The following SPRY3 variants were observed in gnomAD, a reference collection of about 807,000 sequenced individuals.
The protein encoded by SPRY3 is sprouty RTK signaling antagonist 3.
SPRY3 carries 15 observed loss-of-function variants against 20.2 expected under a neutral mutation model. The ratio of observed to expected loss-of-function variants is 0.74; its 90% CI spans 0.50 to 1.14. The LOEUF (loss-of-function observed/expected upper bound fraction) is 1.14, where lower values mean the gene tolerates loss of function less well. Ranked by LOEUF, SPRY3 falls within the 50% of genes most tolerant of loss-of-function variation. The pLI, the probability that SPRY3 is intolerant of heterozygous loss-of-function variation, is 0.00. For missense variants in SPRY3, 364 were observed against 363.9 expected, an observed-to-expected ratio of 1.00 and a Z score of 0.00; for synonymous variants, 143 against 136.5, an observed-to-expected ratio of 1.05 and a Z score of -0.33.
downstream of SPRY3, chrX:155,781,084 A>G (rs986382655): frequency 5.4e-5 from 9 of 166,462 alleles, 1 homozygote; most frequent in Non-Finnish European, 8.8e-5. Context: ...AAAGGGAGAC[A>G]GCAGAAGAAA....
intron 2 of SPRY3, among the ~76,000 whole-genome samples, chrX:155,703,926 T>C (rs965477266): frequency 7.9e-5 from 12 of 151,922 alleles, no homozygotes; most frequent in African/African-American, 2.9e-4. Flanking sequence ...AAGCCTGTGG[T>C]GGTTCACTGA....
intron 2 of SPRY3, among the ~76,000 whole-genome samples, chrX:155,690,759 C>A (rs765296539): frequency 8.1e-5 from 7 of 86,532 alleles, no homozygotes; most frequent in Non-Finnish European, 1.3e-4. Flanking sequence ...CTTCAATACC[C>A]CGCTGATAGT....
At chrX:155,638,958 A>G (rs1431393210) in intron 1 of SPRY3, among the ~76,000 whole-genome samples, 2 of 111,042 alleles carry the variant, frequency 1.8e-5, no homozygotes, top group African/African-American at 6.6e-5. Context: ...GTTGGCCTCA[A>G]CTGAAGCTCA....
intron 3 of SPRY3, among the ~76,000 whole-genome samples, chrX:155,768,540 G>A (rs2091361297): frequency 6.6e-6 from 1 of 152,206 alleles, no homozygotes; most frequent in African/African-American, 2.4e-5. Context: ...CGGGCATCCT[G>A]TCAGCATGGG....
chrX:155,723,811 G>A (rs1173692015), intron 2 of SPRY3, among the ~76,000 whole-genome samples: 1 of 152,058 alleles, frequency 6.6e-6, no homozygotes, highest in Non-Finnish European at 1.5e-5. Context: ...GTCTATTTTG[G>A]CTTTTGTTGC....
At chrX:155,745,159 C>T (rs1428872024) in intron 2 of SPRY3, among the ~76,000 whole-genome samples, 1 of 152,082 alleles carries the variant, frequency 6.6e-6, no homozygotes, top group South Asian at 2.1e-4. Flanking sequence ...GAAACTTATC[C>T]CAGACCAACT....
Position 155,686,082 on chromosome X carries a change from T to C in SPRY3, c.-282+29057T>C, listed in dbSNP as rs763107069. On this transcript the variant is annotated intron_variant, in intron 2 of 3. Coordinates refer to ENST00000675360, the Ensembl canonical transcript of SPRY3. Reference sequence around the variant, plus strand: ...CACCACTGCACCCGACCATATTCCATTTTTATTTAACTGATTATTTCAGTT... The same window carrying C: ...CACCACTGCACCCGACCATATTCCACTTTTATTTAACTGATTATTTCAGTT... Among the ~76,000 whole-genome samples the C allele has an allele frequency of 1.1e-4, 12 of 112,408 alleles. No individual in the cohort carries two copies. In the South Asian group the frequency reaches 3.0e-3, roughly 28 times the overall value.
rs773374704 is a variant in SPRY3 at position 155,729,239 on chromosome X, T to A, written c.-281-38723T>A. On this transcript the variant is annotated intron_variant, in intron 2 of 3. Transcript: ENST00000675360. ...TAATAGATATTTACAGAACATTTGA[T>A]TCAACAGCTACAGAATACACATTCT... Among the ~76,000 whole-genome samples the A allele has an allele frequency of 2.0e-5, 3 of 152,290 alleles. No individual in the cohort carries two copies. In the South Asian group the frequency reaches 6.2e-4, roughly 32 times the overall value.
chrX:155,634,514 A>G (rs2067917340), intron 1 of SPRY3, among the ~76,000 whole-genome samples: 1 of 111,482 alleles, frequency 9.0e-6, no homozygotes, highest in Non-Finnish European at 1.9e-5. Context: ...AAATCACCCA[A>G]AGGCAGCTGG....
At chrX:155,694,305 G>A (rs923442499) in intron 2 of SPRY3, among the ~76,000 whole-genome samples, 1 of 111,406 alleles carries the variant, frequency 9.0e-6, no homozygotes, top group African/African-American at 3.3e-5. Flanking sequence ...GTGTGTACGT[G>A]TTTGTGATTT....
chrX:155,722,980 T>C (rs936053358), intron 2 of SPRY3, among the ~76,000 whole-genome samples: 4 of 148,030 alleles, frequency 2.7e-5, no homozygotes, highest in African/African-American at 1.0e-4. Context: ...CCCCGCCCTG[T>C]GTCCAAGTGT....
chrX:155,712,973 A>G (rs1381663739), intron 2 of SPRY3, among the ~76,000 whole-genome samples: 2 of 151,952 alleles, frequency 1.3e-5, no homozygotes, highest in Non-Finnish European at 2.9e-5. Flanking sequence ...TACAAACTCT[A>G]CACTTTAACT....
chrX:155,753,035 G>A (rs1161275082), intron 2 of SPRY3, among the ~76,000 whole-genome samples: 1 of 151,838 alleles, frequency 6.6e-6, no homozygotes, highest in South Asian at 2.1e-4. Flanking sequence ...AATATAACAG[G>A]AGTCTGTTTG....
intron 1 of SPRY3, among the ~76,000 whole-genome samples, chrX:155,655,183 T>C (rs1014495574): frequency 1.7e-4 from 19 of 111,780 alleles, no homozygotes; most frequent in African/African-American, 5.8e-4. Context: ...GTCTGTTGTG[T>C]CCTTTGGCCA....
chrX:155,637,924 C>T (rs2067928604), intron 1 of SPRY3, among the ~76,000 whole-genome samples: 1 of 108,789 alleles, frequency 9.2e-6, no homozygotes, highest in Non-Finnish European at 1.9e-5. Context: ...AAAGCATGTC[C>T]TTTGTTCCAC....
chrX:155,748,343 T>C (rs1338321123), intron 2 of SPRY3, among the ~76,000 whole-genome samples: 1 of 151,836 alleles, frequency 6.6e-6, no homozygotes, highest in African/African-American at 2.4e-5. Flanking sequence ...GAAAAGTATG[T>C]TTGCCCAGAA....
chrX:155,732,105 G>A (rs306907), intron 2 of SPRY3, among the ~76,000 whole-genome samples: 19,309 of 151,972 alleles, frequency 0.13, 2,041 homozygotes, highest in African/African-American at 0.3. Context: ...GTTTTTGGCC[G>A]AAGATTCATT....
At chrX:155,630,139 T>G (rs1482982347) in intron 1 of SPRY3, among the ~76,000 whole-genome samples, 14 of 112,055 alleles carry the variant, frequency 1.2e-4, no homozygotes, top group Non-Finnish European at 2.4e-4. Context: ...CTCCCACATT[T>G]TGAATTTTTT....
chrX:155,692,516 GTTAT>G (rs1209197272), intron 2 of SPRY3, among the ~76,000 whole-genome samples: 2 of 110,642 alleles, frequency 1.8e-5, no homozygotes, highest in African/African-American at 3.3e-5. Flanking sequence ...CATTTTCTAG[GTTAT>G]TTGTGTTTCC....
Sources: allele counts gnomAD v4.1 joint callset (sites outside exome capture counted in the v4.1 genomes callset), GRCh38; gene constraint gnomAD v4.1.1; transcripts MANE v1.5; gene names NCBI Gene and HGNC (gene_info 2026-07-23, HGNC 2026-07-21).